EXT1: variants seen among roughly 807,000 people sequenced by gnomAD.
EXT1 encodes exostosin glycosyltransferase 1, also known as exostosin-1.
EXT1 carries 20 observed loss-of-function variants against 82.5 expected under a neutral mutation model. The observed-to-expected ratio is 0.24, with a 90% CI of 0.17 to 0.35. EXT1 has a LOEUF of 0.35. Among genes scored for constraint, EXT1 ranks in the 10% least tolerant of loss-of-function variants. The pLI is 1.00. For synonymous variants in EXT1, 348 were observed against 350.8 expected (o/e 0.99, Z 0.09); for missense variants, 757 against 936.5 (o/e 0.81, Z 2.50).
intron 1 of EXT1, among the ~76,000 whole-genome samples, chr8:117,840,618 G>GAAAAAAAAAAAAAAAAAAAA (rs939631711): frequency 1.1e-5 from 1 of 89,692 alleles, no homozygotes. Flanking sequence ...ATCTCAAAAA[G>GAAAAAAAAAAAAAAAAAAAA]AAAAAAAAAA....
At chr8:117,894,432 A>G (rs367628181) in intron 1 of EXT1, among the ~76,000 whole-genome samples, 144 of 152,306 alleles carry the variant, frequency 9.5e-4, no homozygotes, top group East Asian at 2.5e-3. Flanking sequence ...AGTTGATTAC[A>G]GCAGAAGGTT....
At chr8:117,932,071 C>T (rs535375063) in intron 1 of EXT1, among the ~76,000 whole-genome samples, 32 of 152,196 alleles carry the variant, frequency 2.1e-4, no homozygotes, top group Admixed American at 5.2e-4. Flanking sequence ...TATTTCAATT[C>T]GAAATTACGT....
At chr8:118,077,510 T>C (rs1366583544) in intron 1 of EXT1, among the ~76,000 whole-genome samples, 2 of 152,224 alleles carry the variant, frequency 1.3e-5, no homozygotes, top group African/African-American at 4.8e-5. Flanking sequence ...ATTACCTTAT[T>C]GCATTTATCA....
chr8:117,897,368 G>A (rs371083673), intron 1 of EXT1, among the ~76,000 whole-genome samples: 3 of 152,158 alleles, frequency 2.0e-5, no homozygotes, highest in South Asian at 2.1e-4. Flanking sequence ...TCTCCCCCAC[G>A]AGTGGAAGTG....
intron 1 of EXT1, among the ~76,000 whole-genome samples, chr8:117,936,831 T>A (rs1814173477): frequency 6.6e-6 from 1 of 152,136 alleles, no homozygotes. Context: ...GTTGAGATCA[T>A]GCCACTGCAC....
intron 1 of EXT1, among the ~76,000 whole-genome samples, chr8:118,054,334 C>T (rs1816761412): frequency 6.6e-6 from 1 of 152,110 alleles, no homozygotes; most frequent in African/African-American, 2.4e-5. Flanking sequence ...TTATGTAGTC[C>T]CATTTCTGCA....
At chr8:118,080,576 G>C (rs938646331) in intron 1 of EXT1, among the ~76,000 whole-genome samples, 1 of 152,000 alleles carries the variant, frequency 6.6e-6, no homozygotes, top group East Asian at 1.9e-4. Context: ...AGTTTAAATG[G>C]TATTCTGCAG....
chr8:118,049,660 CTGTT>C (rs1816686604), intron 1 of EXT1, among the ~76,000 whole-genome samples: 1 of 152,214 alleles, frequency 6.6e-6, no homozygotes, highest in South Asian at 2.1e-4. Context: ...AGGGAGTTCT[CTGTT>C]TGCTGTTCTT....
intron 1 of EXT1, among the ~76,000 whole-genome samples, chr8:117,969,598 C>T (rs755010887): frequency 3.9e-5 from 6 of 152,120 alleles, no homozygotes; most frequent in Admixed American, 2.0e-4. Context: ...CTGAAAAATC[C>T]GTGAAAATCC....
At chr8:117,815,088 A>T (rs1218948683) in intron 7 of EXT1, among the ~76,000 whole-genome samples, 7 of 152,138 alleles carry the variant, frequency 4.6e-5, no homozygotes, top group African/African-American at 1.7e-4. Flanking sequence ...GTGATCAGCA[A>T]CCTCATAGAC....
At chr8:118,054,626 G>A (rs1816766330) in intron 1 of EXT1, among the ~76,000 whole-genome samples, 1 of 152,042 alleles carries the variant, frequency 6.6e-6, no homozygotes, top group Non-Finnish European at 1.5e-5. Context: ...GGACTAAAGA[G>A]AAGCTAAGAG....
chr8:117,923,528 T>C (rs1241034968), intron 1 of EXT1, among the ~76,000 whole-genome samples: 3 of 149,824 alleles, frequency 2.0e-5, no homozygotes, highest in East Asian at 2.0e-4. Flanking sequence ...CCATCCTGGC[T>C]AACACGGTGA....
intron 1 of EXT1, among the ~76,000 whole-genome samples, chr8:117,873,615 C>T (rs1160798346): frequency 6.6e-6 from 1 of 152,044 alleles, no homozygotes; most frequent in Non-Finnish European, 1.5e-5. Context: ...GCCACCACGC[C>T]TGGCTAATTT....
At chr8:117,911,380 C>T (rs921252039) in intron 1 of EXT1, among the ~76,000 whole-genome samples, 10 of 152,122 alleles carry the variant, frequency 6.6e-5, no homozygotes, top group Non-Finnish European at 1.3e-4. Context: ...TTACTCCAAC[C>T]GCAATAACCC....
chr8:118,110,204 A>G lies in EXT1; in HGVS notation c.843T>C (p.Asn281=). Residue 281 remains asparagine (N), a synonymous_variant, in exon 1 of 11, where the codon AAT becomes AAC. Coordinates refer to ENST00000378204, the MANE Select transcript of EXT1 (RefSeq NM_000127.3). ...CCCCGTTATGGACGTGATATAAGGC[A>G]TTCCTGGTGTCTGATCCTATCCCTG... ...YLTGIGSDTR[N]ALYHVHNGED... 1 of 1,614,196 alleles carries G rather than the reference A, an allele frequency of 6.2e-7. No individual in the cohort carries two copies.
intron 1 of EXT1, among the ~76,000 whole-genome samples, chr8:117,979,436 G>C (rs143994802): frequency 3.8e-4 from 58 of 151,810 alleles, no homozygotes; most frequent in Non-Finnish European, 6.6e-4. Flanking sequence ...CTTCATTACT[G>C]ATTACAGGAG....
intron 1 of EXT1, among the ~76,000 whole-genome samples, chr8:117,975,051 T>C (rs1262757480): frequency 6.6e-6 from 1 of 152,234 alleles, no homozygotes; most frequent in African/African-American, 2.4e-5. Flanking sequence ...GGTTACAGAC[T>C]TATTCCAACG....
intron 6 of EXT1, among the ~76,000 whole-genome samples, chr8:117,818,799 G>A (rs1422942909): frequency 6.6e-6 from 1 of 152,158 alleles, no homozygotes; most frequent in Non-Finnish European, 1.5e-5. Flanking sequence ...CGGGAATAGG[G>A]GAAAGCTGCA....
intron 1 of EXT1, among the ~76,000 whole-genome samples, chr8:117,991,884 A>C (rs1937129423): frequency 6.6e-6 from 1 of 152,170 alleles, no homozygotes; most frequent in Non-Finnish European, 1.5e-5. Flanking sequence ...TTTAAGACTC[A>C]CTAAATCTTG....
Sources: gnomAD v4.1 joint callset for allele counts (sites outside exome capture counted in the v4.1 genomes callset) on GRCh38, gnomAD v4.1.1 for gene constraint, MANE v1.5 for transcripts, NCBI Gene and HGNC (gene_info 2026-07-23, HGNC 2026-07-21) for gene names.